Variants in TTC13 observed in about 807,000 individuals in gnomAD.
TTC13 encodes the protein tetratricopeptide repeat domain 13.
In TTC13, 62 loss-of-function variants were observed where a neutral mutation model predicts 120.0. The ratio of observed to expected loss-of-function variants is 0.52; its 90% confidence interval spans 0.42 to 0.64. The LOEUF (loss-of-function observed/expected upper bound fraction) is 0.64, where lower values mean the gene tolerates loss of function less well. Among genes scored for constraint, TTC13 ranks in the 30% least tolerant of loss-of-function variants. The pLI is 0.00. For missense variants in TTC13, 824 were observed against 1,050.2 expected, an observed-to-expected ratio of 0.78 and a Z score of 2.98; for synonymous variants, 384 against 393.5, an observed-to-expected ratio of 0.98 and a Z score of 0.28.
intron 8 of TTC13, chr1:230,936,631 T>C (rs1674077423): frequency 1.7e-5 from 3 of 179,938 alleles, no homozygotes; most frequent in East Asian, 2.8e-4. Flanking sequence ...GATTAGATAG[T>C]TGTAAAATTT....
intron 18 of TTC13, 113 bp from the exon 19 acceptor site, chr1:230,912,871 A>G: frequency 1.1e-6 from 1 of 912,924 alleles, no homozygotes. Flanking sequence ...AAACATATAC[A>G]AGAATGTACC....
chr1:230,917,061 AGGG>A (rs1468161422), intron 17 of TTC13, among the ~76,000 whole-genome samples: 2 of 151,980 alleles, frequency 1.3e-5, no homozygotes, highest in Non-Finnish European at 2.9e-5. Context: ...CTGCTTCATG[AGGG>A]GAGAGCTTGT....
intron 20 of TTC13, among the ~76,000 whole-genome samples, chr1:230,910,414 G>A (rs1671386713): frequency 6.6e-6 from 1 of 152,260 alleles, no homozygotes; most frequent in African/African-American, 2.4e-5. Flanking sequence ...TTAAACCCAT[G>A]GTTTTCAGAA....
At chr1:230,909,962 GT>G (rs886524098) in intron 20 of TTC13, among the ~76,000 whole-genome samples, 1 of 152,188 alleles carries the variant, frequency 6.6e-6, no homozygotes, top group African/African-American at 2.4e-5. Context: ...GAGCTGACTG[GT>G]TTTGGGTGGA....
intron 12 of TTC13, among the ~76,000 whole-genome samples, chr1:230,927,423 G>A (rs1380423206): frequency 1.3e-5 from 2 of 151,950 alleles, no homozygotes; most frequent in African/African-American, 4.8e-5. Flanking sequence ...TGCTCATCTA[G>A]TGGCTGAAAA....
intron 1 of TTC13, among the ~76,000 whole-genome samples, chr1:230,965,293 A>G (rs1352468801): frequency 6.6e-6 from 1 of 152,252 alleles, no homozygotes; most frequent in Non-Finnish European, 1.5e-5. Context: ...AAAATCTAAT[A>G]ATCCAACCAA....
At chr1:230,943,987 G>T in intron 5 of TTC13, 89 bp from the exon 6 acceptor site, 3 of 721,216 alleles carry the variant, frequency 4.2e-6, no homozygotes, top group Non-Finnish European at 6.7e-6. Flanking sequence ...ATTTAGTAAT[G>T]ATGTAACCAA....
chr1:230,911,745 AG>A (rs1289771858), intron 19 of TTC13, among the ~76,000 whole-genome samples, 196 bp from the exon 20 acceptor site: 1 of 152,228 alleles, frequency 6.6e-6, no homozygotes, highest in Non-Finnish European at 1.5e-5. Flanking sequence ...TTCAATTTAG[AG>A]CAATGTTTTC....
intron 11 of TTC13, among the ~76,000 whole-genome samples, chr1:230,929,339 C>T (rs534129711): frequency 5.1e-4 from 24 of 47,082 alleles, no homozygotes; most frequent in Middle Eastern, 8.1e-3. Context: ...TTTTTTGAGA[C>T]GGAGTCTTGC....
Position 230,942,735 on chromosome 1 carries a change from A to T in TTC13, c.672+1071T>A, listed in dbSNP as rs1261950324. Among the ~76,000 whole-genome samples, 1 of 152,216 alleles carries T rather than the reference A, an allele frequency of 6.6e-6. No individual in the cohort carries two copies. The highest frequency in any genetic ancestry group is 1.5e-5 in the Non-Finnish European group (1 of 68,034). ...CACATTTCACTTAAAAACATAAAAC[A>T]GAATGCCTTTGTACAGACTCTCTTC... On this transcript the variant is annotated intron_variant, in intron 6 of 22. Coordinates refer to ENST00000366661, the MANE Select transcript of TTC13 (RefSeq NM_024525.5). The surrounding 1 kb of genome is among the most constrained non-coding windows in gnomAD (Gnocchi z 4.0).
intron 12 of TTC13, among the ~76,000 whole-genome samples, chr1:230,928,617 C>T (rs988161032): frequency 1.3e-5 from 2 of 152,176 alleles, no homozygotes; most frequent in African/African-American, 4.8e-5. Flanking sequence ...TTCAGTATTA[C>T]AGAGAAGCAC....
intron 7 of TTC13, among the ~76,000 whole-genome samples, chr1:230,939,941 A>T (rs890643026): frequency 2.0e-5 from 3 of 152,236 alleles, no homozygotes; most frequent in Non-Finnish European, 4.4e-5. Flanking sequence ...CCACAGAAAT[A>T]ATTGTGGCAA....
intron 1 of TTC13, among the ~76,000 whole-genome samples, chr1:230,969,762 T>C (rs35902923): frequency 0.22 from 33,859 of 152,142 alleles, 3,935 homozygotes; most frequent in East Asian, 0.4. Flanking sequence ...ATCTGCAAAA[T>C]AGAAATAACC....
chr1:230,968,490 T>C (rs947073336), intron 1 of TTC13, among the ~76,000 whole-genome samples: 1 of 152,152 alleles, frequency 6.6e-6, no homozygotes, highest in Non-Finnish European at 1.5e-5. Flanking sequence ...CTTCTTAGCA[T>C]TAAACTAAGA....
chr1:230,957,986 A>G (rs931558167), intron 3 of TTC13, among the ~76,000 whole-genome samples: 1 of 152,156 alleles, frequency 6.6e-6, no homozygotes, highest in Non-Finnish European at 1.5e-5. Context: ...TCATTACCAT[A>G]ATTATTAATT....
At chr1:230,949,115 A>T (rs1450093815) in intron 4 of TTC13, among the ~76,000 whole-genome samples, 1 of 152,098 alleles carries the variant, frequency 6.6e-6, no homozygotes, top group Non-Finnish European at 1.5e-5. Flanking sequence ...TACCATGCAA[A>T]GTCATGCTAT....
chr1:230,960,724 AC>A (rs1676548447), intron 2 of TTC13, among the ~76,000 whole-genome samples: 1 of 152,198 alleles, frequency 6.6e-6, no homozygotes, highest in Non-Finnish European at 1.5e-5. Flanking sequence ...TTAAGTGTGA[AC>A]AAAAAGAAGA....
chr1:230,934,992 G>T (rs1371515730), intron 8 of TTC13, among the ~76,000 whole-genome samples: 1 of 152,210 alleles, frequency 6.6e-6, no homozygotes, highest in Non-Finnish European at 1.5e-5. Flanking sequence ...AAGGGAGACA[G>T]CAGGACAAGA....
intron 16 of TTC13, among the ~76,000 whole-genome samples, chr1:230,921,078 T>A (rs1198999564): frequency 6.6e-6 from 1 of 152,212 alleles, no homozygotes; most frequent in Non-Finnish European, 1.5e-5. Context: ...GTTCTGCTCA[T>A]TGTTTTGTCT....
Sources: allele counts gnomAD v4.1 joint callset (sites outside exome capture counted in the v4.1 genomes callset), GRCh38; gene constraint gnomAD v4.1.1; non-coding constraint Gnocchi (gnomAD v3.1); transcripts MANE v1.5; gene names NCBI Gene and HGNC (gene_info 2026-07-23, HGNC 2026-07-21).